Variants in CNTRL observed in about 807,000 individuals in gnomAD.
CNTRL encodes centriolin.
In CNTRL, 233 loss-of-function variants were observed where a neutral mutation model predicts 303.7. The ratio of observed to expected loss-of-function variants is 0.77; its 90% confidence interval spans 0.69 to 0.86. The LOEUF (loss-of-function observed/expected upper bound fraction) is 0.86, where lower values mean the gene tolerates loss of function less well. Ranked by LOEUF, CNTRL falls within the 40% of genes least tolerant of loss-of-function variation. The pLI is 0.00. For missense variants in CNTRL, 2,524 were observed against 2,650.6 expected (o/e 0.95, Z 1.05); for synonymous variants, 900 against 922.2 (o/e 0.98, Z 0.44).
intron 3 of CNTRL, among the ~76,000 whole-genome samples, chr9:121,089,822 C>A (rs1332818629): frequency 6.6e-6 from 1 of 152,050 alleles, no homozygotes; most frequent in African/African-American, 2.4e-5. Flanking sequence ...GGATCTTGAG[C>A]AAATGATTTT....
At chr9:121,118,970 G>T (rs959035794) in intron 12 of CNTRL, among the ~76,000 whole-genome samples, 2 of 152,144 alleles carry the variant, frequency 1.3e-5, no homozygotes, top group South Asian at 2.1e-4. Context: ...CTTGGTATCT[G>T]CAGGGAATCC....
chr9:121,158,903 CATAA>C lies in CNTRL; in HGVS notation c.4815_4818del (p.His1605GlnfsTer23). ...GGCTGTCTTGGACAGGCAGTTAGGG[CATAA>C]AAAGGAGGAGCTGCATCTACTCCAA... On this transcript the variant is annotated frameshift_variant, in exon 31 of 44. Transcript: ENST00000373855. LOFTEE classifies it high-confidence loss of function. 1 of 1,614,012 alleles carries C rather than the reference CATAA, an allele frequency of 6.2e-7. No individual in the cohort carries two copies. Among genetic ancestry groups the C allele is most frequent in the South Asian group, 1.1e-5 (1 of 91,078 alleles).
chr9:121,117,989 A>G (rs1475692129), intron 11 of CNTRL, among the ~76,000 whole-genome samples: 2 of 152,094 alleles, frequency 1.3e-5, no homozygotes, highest in African/African-American at 2.4e-5. Context: ...AAAAAAAAAA[A>G]AAAGTATATA....
chr9:121,087,808 T>A (rs2048405115), intron 2 of CNTRL, among the ~76,000 whole-genome samples: 1 of 152,164 alleles, frequency 6.6e-6, no homozygotes, highest in African/African-American at 2.4e-5. Context: ...GGAGTTCTGA[T>A]GTTTAAATTA....
At chr9:121,150,527 G>A (rs772599615) in intron 25 of CNTRL, 44 bp downstream of exon 25, 1 of 1,566,876 alleles carries the variant, frequency 6.4e-7, no homozygotes, top group Admixed American at 1.7e-5. Flanking sequence ...CTGCTTCCAT[G>A]GGTGACTGAT....
chr9:121,128,436 A>G (rs2050663452), intron 14 of CNTRL, among the ~76,000 whole-genome samples: 1 of 152,194 alleles, frequency 6.6e-6, no homozygotes, highest in South Asian at 2.1e-4. Context: ...GGCTGCATAA[A>G]TGTCTTCTTT....
In CNTRL at chr9:121,141,424, T is replaced by C. The variant is rs748088244; in HGVS notation, c.2527T>C (p.Leu843=). 2.5e-5 allele frequency: 41 copies of C among 1,613,908 alleles called. No homozygotes were observed. Among genetic ancestry groups the C allele is most frequent in the Non-Finnish European group, 3.4e-5 (40 of 1,179,954 alleles). ...SDVLGKSLAD[L]QKQFSEILAR... The stretch of plus-strand genomic sequence containing the variant: ...TGTCTTAGGGAAAAGTCTTGCTGAT[T>C]TACAGAAACAATTCAGTGAAATTCT... Residue 843 remains leucine (L), a synonymous_variant, in exon 18 of 44, where the codon TTA becomes CTA. Coordinates refer to ENST00000373855, the MANE Select transcript of CNTRL (RefSeq NM_007018.6).
intron 32 of CNTRL, chr9:121,161,274 AT>A: frequency 2.2e-6 from 1 of 445,474 alleles, no homozygotes. Flanking sequence ...TTTTTTTTGT[AT>A]TTTCCAGCTT....
rs191011302 is a variant in CNTRL, at chr9:121,118,298, A to T, written c.1456-48A>T. On this transcript the variant is annotated intron_variant, in intron 11 of 43. Coordinates refer to ENST00000373855, the MANE Select transcript of CNTRL (RefSeq NM_007018.6). The stretch of plus-strand genomic sequence containing the variant: ...ATTATAGACATTGTCTTAATAAATC[A>T]GTGTTGTTCTTCTCTGTTAATTATA... The T allele has an allele frequency of 3.3e-4, 430 of 1,309,732 alleles. 3 individuals are homozygous for T. The South Asian group carries it at 8.2e-3, about 25-fold the overall frequency. 81.1% of individuals were successfully genotyped at this position (1,309,732 alleles called of 1,614,324 possible). A position where few individuals can be genotyped will look rare whatever the true frequency, so the allele number is the denominator to read the frequency against.
chr9:121,175,742 A>AC (rs1219572155), intron 43 of CNTRL, among the ~76,000 whole-genome samples: 3 of 152,232 alleles, frequency 2.0e-5, no homozygotes, highest in Non-Finnish European at 4.4e-5. Flanking sequence ...GGCTTAGGAA[A>AC]CAGACTACGA....
intron 38 of CNTRL, among the ~76,000 whole-genome samples, 176 bp downstream of exon 38, chr9:121,168,497 A>G (rs2053181085): frequency 6.6e-6 from 1 of 152,168 alleles, no homozygotes; most frequent in Non-Finnish European, 1.5e-5. Context: ...TTCAGAGGAG[A>G]TACAATCCTG....
chr9:121,118,798 A>G (rs1007027387), intron 12 of CNTRL, among the ~76,000 whole-genome samples: 7 of 152,176 alleles, frequency 4.6e-5, no homozygotes, highest in Non-Finnish European at 1.0e-4. Flanking sequence ...TTCATTTGTC[A>G]TTATTCCCTA....
intron 11 of CNTRL, among the ~76,000 whole-genome samples, chr9:121,117,435 A>G (rs1167541235): frequency 9.2e-5 from 14 of 152,178 alleles, no homozygotes; most frequent in Non-Finnish European, 2.9e-5. Flanking sequence ...TAGAAATAAG[A>G]GATAGAGTAT....
rs372608645 is a variant in CNTRL at position 121,144,824 on chromosome 9, C to A, written c.3052-19C>A. On this transcript the variant is annotated intron_variant, in intron 20 of 43. Coordinates refer to ENST00000373855, the MANE Select transcript of CNTRL (RefSeq NM_007018.6). ...CCTGTGATAGCAGTGGTGCCTTTCT[C>A]ATACTTCTGTCCCAGTAGGAGTTGC... The A allele has an allele frequency of 1.9e-6, 3 of 1,593,902 alleles. No homozygotes were observed. Among genetic ancestry groups the A allele is most frequent in the South Asian group, 1.1e-5 (1 of 90,542 alleles).
intron 8 of CNTRL, among the ~76,000 whole-genome samples, chr9:121,109,939 G>T (rs1564215954): frequency 1.3e-5 from 2 of 152,034 alleles, no homozygotes; most frequent in Non-Finnish European, 2.9e-5. Flanking sequence ...TAGTCCCAAG[G>T]ACTATTAGAT....
In CNTRL at chr9:121,173,454, C is replaced by G. The variant is rs763603262; in HGVS notation, c.6629C>G (p.Thr2210Ser). ...LESLKENLPFTMNEGPFEEKL... is the reference protein window; with the variant it reads ...LESLKENLPFSMNEGPFEEKL... ...AGCTTGAAAGAGAACCTTCCATTTACCATGAATGAGGGACCTTTTGAAGAA... is the reference window on the plus strand; with the variant it reads ...AGCTTGAAAGAGAACCTTCCATTTAGCATGAATGAGGGACCTTTTGAAGAA... The change falls in exon 41 of 44, where the codon ACC becomes AGC. Residue 2210 changes from threonine (T) to serine (S), a missense_variant. Thr to Ser is a moderately conservative substitution (Grantham distance 58). Coordinates refer to ENST00000373855, the MANE Select transcript of CNTRL (RefSeq NM_007018.6). The G allele has an allele frequency of 1.9e-6, 3 of 1,613,874 alleles. No homozygotes were observed. The highest frequency in any genetic ancestry group is 3.3e-5 in the Admixed American group (2 of 60,006).
At chr9:121,122,831 G>C (rs925904894) in intron 12 of CNTRL, among the ~76,000 whole-genome samples, 2 of 152,110 alleles carry the variant, frequency 1.3e-5, no homozygotes, top group Admixed American at 6.5e-5. Context: ...TTCAGGGTGC[G>C]GGAGGGTGTG....
intron 4 of CNTRL, among the ~76,000 whole-genome samples, chr9:121,090,703 G>T (rs2048529867): frequency 6.6e-6 from 1 of 152,132 alleles, no homozygotes; most frequent in Non-Finnish European, 1.5e-5. Context: ...ACCCTTATTT[G>T]TTTACATATT....
rs1554757442 is a variant in CNTRL, at chr9:121,146,077, A to G, written c.3311-31A>G. On this transcript the variant is annotated intron_variant, in intron 22 of 43. Coordinates refer to ENST00000373855, the MANE Select transcript of CNTRL (RefSeq NM_007018.6). ...TGAGAAAGGAAGTAAGTGATTTCAT[A>G]TCAATTTCATAGAATGACTTTTCTT... 7.7e-6 allele frequency: 12 copies of G among 1,554,078 alleles called. No individual in the cohort carries two copies. The South Asian group carries it at 1.1e-4, about 14-fold the overall frequency.
Sources: gnomAD v4.1 joint callset for allele counts (sites outside exome capture counted in the v4.1 genomes callset) on GRCh38, gnomAD v4.1.1 for gene constraint, MANE v1.5 for transcripts, NCBI Gene and HGNC (gene_info 2026-07-23, HGNC 2026-07-21) for gene names.